TRAPPC9: variants seen among roughly 807,000 people sequenced by gnomAD.
TRAPPC9 encodes trafficking protein particle complex subunit 9.
Under a neutral mutation model 124.0 loss-of-function variants are expected in TRAPPC9, and 83 were observed. The ratio of observed to expected loss-of-function variants is 0.67; its 90% CI spans 0.56 to 0.80. The LOEUF (loss-of-function observed/expected upper bound fraction) is 0.80, where lower values mean the gene tolerates loss of function less well. Ranked by LOEUF, TRAPPC9 falls within the 30% of genes least tolerant of loss-of-function variation. The pLI is 0.00. For synonymous variants in TRAPPC9, 638 were observed against 617.5 expected, an observed-to-expected ratio of 1.03 and a Z score of -0.49; for missense variants, 1,302 against 1,508.3, an observed-to-expected ratio of 0.86 and a Z score of 2.27.
chr8:140,420,143 A>T (rs2070150422), intron 5 of TRAPPC9, among the ~76,000 whole-genome samples: 1 of 152,144 alleles, frequency 6.6e-6, no homozygotes, highest in South Asian at 2.1e-4. Flanking sequence ...TAACCCAAAA[A>T]ATTTAACCCC....
intron 19 of TRAPPC9, among the ~76,000 whole-genome samples, chr8:139,914,555 C>G (rs961962445): frequency 6.6e-6 from 1 of 152,108 alleles, no homozygotes; most frequent in Non-Finnish European, 1.5e-5. Context: ...GACTTTGGGG[C>G]GAGGCCTGAC....
intron 17 of TRAPPC9, among the ~76,000 whole-genome samples, chr8:140,058,666 G>A (rs770124537): frequency 1.3e-5 from 2 of 152,212 alleles, no homozygotes; most frequent in African/African-American, 2.4e-5. Context: ...AAGAACAGCC[G>A]GGAGAACCAG....
At chr8:140,181,767 C>A (rs1272732233) in intron 17 of TRAPPC9, among the ~76,000 whole-genome samples, 2 of 152,098 alleles carry the variant, frequency 1.3e-5, no homozygotes, top group African/African-American at 2.4e-5. Context: ...CCTGTAGATT[C>A]CCCCTCATGG....
At chr8:140,096,540 G>A (rs1844963914) in intron 17 of TRAPPC9, 2 of 152,198 alleles carry the variant, frequency 1.3e-5, no homozygotes, top group African/African-American at 2.4e-5. Flanking sequence ...ATACATTTTA[G>A]AGATAGAGAA....
intron 6 of TRAPPC9, among the ~76,000 whole-genome samples, chr8:140,398,950 T>C (rs1044414939): frequency 1.3e-5 from 2 of 152,218 alleles, no homozygotes; most frequent in Non-Finnish European, 2.9e-5. Flanking sequence ...CACCATGCTG[T>C]GTACAGCCTA....
intron 17 of TRAPPC9, among the ~76,000 whole-genome samples, chr8:140,170,269 G>A (rs7017708): frequency 0.38 from 57,960 of 151,922 alleles, 11,128 homozygotes; most frequent in East Asian, 0.51. Flanking sequence ...TGGATGCTAT[G>A]CTAGGCACCC....
At chr8:140,369,456 T>C (rs1277992737) in intron 8 of TRAPPC9, among the ~76,000 whole-genome samples, 1 of 152,302 alleles carries the variant, frequency 6.6e-6, no homozygotes, top group East Asian at 1.9e-4. Context: ...ACCTGTTGAA[T>C]CAATGTACAA....
chr8:140,170,716 G>A (rs191882293), intron 17 of TRAPPC9, among the ~76,000 whole-genome samples: 45 of 152,318 alleles, frequency 3.0e-4, no homozygotes, highest in Middle Eastern at 3.4e-3. Flanking sequence ...GGACGACGTG[G>A]TTGTTTTATA....
At chr8:139,922,686 C>T (rs74983555) in intron 19 of TRAPPC9, among the ~76,000 whole-genome samples, 2,739 of 152,322 alleles carry the variant, frequency 0.018, 29 homozygotes, top group Non-Finnish European at 0.028. Flanking sequence ...AGGTGAGACG[C>T]GGCCCAGAGG....
chr8:139,808,330 G>A (rs1351282188), intron 21 of TRAPPC9, among the ~76,000 whole-genome samples: 3 of 152,136 alleles, frequency 2.0e-5, no homozygotes, highest in Non-Finnish European at 4.4e-5. Context: ...GCGTGGTGGT[G>A]CACACCTGTA....
intron 17 of TRAPPC9, among the ~76,000 whole-genome samples, chr8:140,076,907 T>C (rs1259528748): frequency 6.6e-6 from 1 of 152,212 alleles, no homozygotes; most frequent in East Asian, 1.9e-4. Flanking sequence ...AGTTCACATC[T>C]GTAATCCCAG....
intron 19 of TRAPPC9, among the ~76,000 whole-genome samples, chr8:139,916,014 G>A (rs545905472): frequency 6.6e-6 from 1 of 152,332 alleles, no homozygotes; most frequent in African/African-American, 2.4e-5. Flanking sequence ...TGGAGGAAAG[G>A]ACCAGGCCCA....
At chr8:140,025,317 G>T (rs1840075556) in intron 17 of TRAPPC9, among the ~76,000 whole-genome samples, 1 of 152,206 alleles carries the variant, frequency 6.6e-6, no homozygotes, top group African/African-American at 2.4e-5. Context: ...GCCTGTTTTT[G>T]TGTGGCCTGA....
intron 17 of TRAPPC9, among the ~76,000 whole-genome samples, chr8:140,195,142 G>C (rs1333141017): frequency 6.6e-6 from 1 of 152,018 alleles, no homozygotes; most frequent in Non-Finnish European, 1.5e-5. Context: ...CCACTGTACA[G>C]ATCACACCTG....
intron 17 of TRAPPC9, among the ~76,000 whole-genome samples, chr8:140,084,901 A>G (rs1844086599): frequency 6.6e-6 from 1 of 152,210 alleles, no homozygotes; most frequent in African/African-American, 2.4e-5. Flanking sequence ...GGCTCCTGTT[A>G]CAGACAGGAA....
At chr8:139,837,530 C>T (rs1290109595) in intron 21 of TRAPPC9, among the ~76,000 whole-genome samples, 1 of 152,236 alleles carries the variant, frequency 6.6e-6, no homozygotes, top group Admixed American at 6.5e-5. Context: ...GCTCACGTGC[C>T]CAGGGAGGGC....
At position 140,311,599 on chromosome 8, in the gene TRAPPC9, T is replaced by C. The variant is rs1283307586; in HGVS notation, c.1496-225A>G. On this transcript the variant is annotated intron_variant, in intron 9 of 22. Transcript: ENST00000438773. ...AAGGGCCTGTGGATAAAAGGGAAAT[T>C]AAGTTAGTATCCTCCAGGAGACTTC... Among the ~76,000 whole-genome samples the C allele has an allele frequency of 2.6e-5, 4 of 152,190 alleles. No individual in the cohort carries two copies. The East Asian group carries it at 7.7e-4, about 29-fold the overall frequency.
At chr8:140,450,032 T>C (rs1000345940) in intron 2 of TRAPPC9, among the ~76,000 whole-genome samples, 1 of 152,258 alleles carries the variant, frequency 6.6e-6, no homozygotes, top group Non-Finnish European at 1.5e-5. Context: ...TGTAAAATAC[T>C]ATCATTTCAA....
At chr8:139,892,907 G>T (rs1026784989) in intron 20 of TRAPPC9, among the ~76,000 whole-genome samples, 3 of 152,214 alleles carry the variant, frequency 2.0e-5, no homozygotes, top group African/African-American at 7.2e-5. Context: ...CTATCAGCCA[G>T]GGGGAGGGGC....
Sources: gnomAD v4.1 joint callset for allele counts (sites outside exome capture counted in the v4.1 genomes callset) on GRCh38, gnomAD v4.1.1 for gene constraint, MANE v1.5 for transcripts, NCBI Gene and HGNC (gene_info 2026-07-23, HGNC 2026-07-21) for gene names.